USP34: variants seen among roughly 807,000 people sequenced by gnomAD.
USP34 encodes ubiquitin specific peptidase 34.
A neutral mutation model predicts 460.3 loss-of-function variants in USP34; 70 were observed. The observed-to-expected ratio is 0.15, with a 90% CI of 0.13 to 0.19. USP34 has a LOEUF of 0.19. USP34 is among the 10% of genes least tolerant of loss of function. The pLI, the probability that USP34 is intolerant of heterozygous loss-of-function variation, is 1.00. For missense variants in USP34, 3,985 were observed against 4,236.2 expected (o/e 0.94, Z 1.65); for synonymous variants, 1,647 against 1,405.3 (o/e 1.17, Z -3.85).
chr2:61,192,151 G>A (rs1686664119), intron 76 of USP34, among the ~76,000 whole-genome samples: 1 of 152,166 alleles, frequency 6.6e-6, no homozygotes, highest in African/African-American at 2.4e-5. Flanking sequence ...AGCATGATGT[G>A]GGTCAAGGGT....
intron 10 of USP34, among the ~76,000 whole-genome samples, chr2:61,368,817 G>C (rs1007176091): frequency 2.6e-5 from 4 of 152,038 alleles, no homozygotes; most frequent in Non-Finnish European, 4.4e-5. Flanking sequence ...TTCAAACCAA[G>C]ATACAAAATC....
intron 20 of USP34, among the ~76,000 whole-genome samples, chr2:61,330,274 T>G (rs1488938126): frequency 6.6e-6 from 1 of 152,180 alleles, no homozygotes; most frequent in Non-Finnish European, 1.5e-5. Flanking sequence ...AGTTGATATC[T>G]GACACAATGG....
At chr2:61,255,885 G>A (rs1688711986) in intron 48 of USP34, among the ~76,000 whole-genome samples, 1 of 152,132 alleles carries the variant, frequency 6.6e-6, no homozygotes, top group African/African-American at 2.4e-5. Flanking sequence ...ACTTAATAAT[G>A]GCCCCAAAGG....
intron 5 of USP34, among the ~76,000 whole-genome samples, chr2:61,389,336 T>A (rs371655806): frequency 6.6e-6 from 1 of 152,212 alleles, no homozygotes; most frequent in Non-Finnish European, 1.5e-5. Flanking sequence ...CGTTTCTTTA[T>A]GAATGTTATT....
intron 13 of USP34, 83 bp downstream of exon 13, chr2:61,349,167 T>A: frequency 2.1e-6 from 3 of 1,462,222 alleles, no homozygotes; most frequent in Non-Finnish European, 2.8e-6. Flanking sequence ...TACAAATATA[T>A]TATTATGTAA....
At chr2:61,256,580 ATTT>A in intron 47 of USP34, 102 bp from the exon 48 acceptor site, 2 of 761,240 alleles carry the variant, frequency 2.6e-6, no homozygotes, top group Non-Finnish European at 1.9e-6. Context: ...CAGCAAAAAA[ATTT>A]TTTTTTTAAA....
At chr2:61,347,145 A>G (rs1351983718) in intron 15 of USP34, among the ~76,000 whole-genome samples, 3 of 152,140 alleles carry the variant, frequency 2.0e-5, no homozygotes, top group East Asian at 1.9e-4. Context: ...GTCTCAAAGA[A>G]AAAAAGAAGA....
At chr2:61,395,606 G>A (rs1183036076) in intron 3 of USP34, among the ~76,000 whole-genome samples, 43 of 146,310 alleles carry the variant, frequency 2.9e-4, no homozygotes, top group African/African-American at 1.0e-3. Flanking sequence ...AGACCACGGT[G>A]AAACCCCGTC....
chr2:61,206,220 T>C, intron 71 of USP34, 96 bp from the exon 72 acceptor site: 1 of 1,003,894 alleles, frequency 1.0e-6, no homozygotes, highest in South Asian at 1.5e-5. Context: ...ATGCTAGAAA[T>C]TCAGGTTAAT....
chr2:61,403,209 C>A (rs1693771881), intron 3 of USP34, among the ~76,000 whole-genome samples: 1 of 151,994 alleles, frequency 6.6e-6, no homozygotes, highest in Admixed American at 6.6e-5. Context: ...ATAATAATAA[C>A]AAAGTACTTT....
chr2:61,209,843 G>A (rs915978386), intron 69 of USP34, among the ~76,000 whole-genome samples: 15 of 152,324 alleles, frequency 9.8e-5, no homozygotes, highest in Admixed American at 8.5e-4. Context: ...AGTGGGACAA[G>A]ATGTGGAGGT....
chr2:61,390,578 GA>G (rs1276186962), intron 5 of USP34, among the ~76,000 whole-genome samples: 1 of 152,226 alleles, frequency 6.6e-6, no homozygotes, highest in Non-Finnish European at 1.5e-5. Context: ...TGCAAACTGA[GA>G]AATCTCCTAA....
At chr2:61,296,946 A>G (rs750709687) in intron 29 of USP34, 21 bp from the exon 30 acceptor site, 2 of 1,598,454 alleles carry the variant, frequency 1.3e-6, no homozygotes, top group Middle Eastern at 1.7e-4. Flanking sequence ...AAGAACAACT[A>G]CTTTATCAAA....
intron 25 of USP34, among the ~76,000 whole-genome samples, chr2:61,313,795 G>A (rs1690665795): frequency 6.6e-6 from 1 of 151,926 alleles, no homozygotes; most frequent in South Asian, 2.1e-4. Flanking sequence ...TATTTATAAG[G>A]AATGTATAAA....
Position 61,188,900 on chromosome 2 carries a change from T to G in USP34, c.10033+10A>C. On this transcript the variant is annotated intron_variant, in intron 79 of 79. Transcript: ENST00000398571. ...CCCTAAAGGTAATGATAGTAGTCCA[T>G]AAAGCTAACCTTTAGTTTTTCTTTC... 2 of 1,613,996 alleles carry G rather than the reference T, an allele frequency of 1.2e-6. No homozygotes were observed. The highest frequency in any genetic ancestry group is 1.7e-6 in the Non-Finnish European group (2 of 1,179,954).
intron 68 of USP34, 118 bp from the exon 69 acceptor site, chr2:61,212,047 C>T (rs1687284665): frequency 2.4e-6 from 3 of 1,267,960 alleles, no homozygotes; most frequent in Admixed American, 7.1e-5. Context: ...CTAGATTATA[C>T]TTCCATTCAG....
At chr2:61,216,237 G>C (rs1687392520) in intron 67 of USP34, among the ~76,000 whole-genome samples, 1 of 152,118 alleles carries the variant, frequency 6.6e-6, no homozygotes, top group Non-Finnish European at 1.5e-5. Flanking sequence ...TAAAAACCTG[G>C]CATGTAGGTA....
intron 2 of USP34, among the ~76,000 whole-genome samples, chr2:61,420,530 C>T (rs1469219040): frequency 1.3e-5 from 2 of 152,054 alleles, no homozygotes; most frequent in African/African-American, 4.8e-5. Context: ...CCTAAATAAG[C>T]AGGGGTCAAA....
At chr2:61,336,324 C>T (rs1383049070) in intron 18 of USP34, among the ~76,000 whole-genome samples, 1 of 151,802 alleles carries the variant, frequency 6.6e-6, no homozygotes, top group African/African-American at 2.4e-5. Context: ...ATGGGGTCTT[C>T]CTATGTTTCC....
Sources: allele counts gnomAD v4.1 joint callset (sites outside exome capture counted in the v4.1 genomes callset), GRCh38; gene constraint gnomAD v4.1.1; transcripts MANE v1.5; gene names NCBI Gene and HGNC (gene_info 2026-07-23, HGNC 2026-07-21).